The following RBMS3 variants were observed in gnomAD, a reference collection of about 807,000 sequenced individuals.
RBMS3 encodes RNA binding motif single stranded interacting protein 3.
A neutral mutation model predicts 66.8 loss-of-function variants in RBMS3; 27 were observed. The ratio of observed to expected loss-of-function variants is 0.40; its 90% CI spans 0.30 to 0.56. RBMS3 has a LOEUF of 0.56. Among genes scored for constraint, RBMS3 ranks in the 20% least tolerant of loss-of-function variants. The probability of loss-of-function intolerance (pLI) is 0.40; values close to 1 mark genes in which losing one functional copy is unlikely to be tolerated. For synonymous variants in RBMS3, 188 were observed against 183.0 expected (o/e 1.03, Z -0.22); for missense variants, 513 against 549.5 (o/e 0.93, Z 0.66).
At chr3:29,661,443 A>C (rs1559546432) in intron 4 of RBMS3, among the ~76,000 whole-genome samples, 1 of 152,012 alleles carries the variant, frequency 6.6e-6, no homozygotes, top group African/African-American at 2.4e-5. Flanking sequence ...TTTGTATAGT[A>C]TTTTTTTGCC....
chr3:29,896,497 C>T (rs2060126213), intron 8 of RBMS3, among the ~76,000 whole-genome samples: 1 of 151,636 alleles, frequency 6.6e-6, no homozygotes, highest in South Asian at 2.1e-4. Context: ...CTCAGGCAAC[C>T]TGGTTTTGTC....
chr3:29,869,850 A>T (rs1259758983), intron 7 of RBMS3, among the ~76,000 whole-genome samples: 1 of 152,230 alleles, frequency 6.6e-6, no homozygotes, highest in South Asian at 2.1e-4. Context: ...TCATCCATTT[A>T]TCATTTAAGA....
chr3:29,373,873 GA>G (rs1356559101), intron 1 of RBMS3, among the ~76,000 whole-genome samples: 2 of 152,168 alleles, frequency 1.3e-5, no homozygotes, highest in Non-Finnish European at 2.9e-5. Flanking sequence ...GGAATGTTTA[GA>G]GCTAGAGGCA....
intron 1 of RBMS3, among the ~76,000 whole-genome samples, chr3:29,350,626 TC>T (rs2036854748): frequency 6.6e-6 from 1 of 152,174 alleles, no homozygotes; most frequent in African/African-American, 2.4e-5. Context: ...AAGCTTATGC[TC>T]TGCTCTGAAA....
intron 8 of RBMS3, among the ~76,000 whole-genome samples, chr3:29,893,033 C>T (rs2060042033): frequency 6.6e-6 from 1 of 151,270 alleles, no homozygotes; most frequent in Non-Finnish European, 1.5e-5. Flanking sequence ...ACAGTAGCCT[C>T]TCCTGTCATG....
At chr3:29,858,292 A>G (rs943715518) in intron 6 of RBMS3, among the ~76,000 whole-genome samples, 1 of 152,162 alleles carries the variant, frequency 6.6e-6, no homozygotes, top group Non-Finnish European at 1.5e-5. Context: ...CTAATAAAAA[A>G]TTTCATCTTA....
At chr3:29,713,113 T>C (rs1038243480) in intron 4 of RBMS3, among the ~76,000 whole-genome samples, 1 of 151,862 alleles carries the variant, frequency 6.6e-6, no homozygotes, top group East Asian at 1.9e-4. Flanking sequence ...GTATCTATTA[T>C]ATTATATTAT....
chr3:29,589,237 G>A (rs957363857), intron 4 of RBMS3, among the ~76,000 whole-genome samples: 5 of 151,800 alleles, frequency 3.3e-5, no homozygotes, highest in South Asian at 2.1e-4. Context: ...CCACTCCCCC[G>A]CACCCTCTGA....
At chr3:29,962,468 G>A (rs1231839278) in intron 12 of RBMS3, among the ~76,000 whole-genome samples, 2 of 151,298 alleles carry the variant, frequency 1.3e-5, no homozygotes, top group East Asian at 3.9e-4. Context: ...GGGTGTATGG[G>A]TATGAAATCC....
intron 5 of RBMS3, among the ~76,000 whole-genome samples, chr3:29,759,922 G>A (rs947623238): frequency 1.3e-5 from 2 of 151,978 alleles, no homozygotes; most frequent in South Asian, 2.1e-4. Flanking sequence ...ACTAAGCGCC[G>A]GCAGCTACAG....
intron 12 of RBMS3, among the ~76,000 whole-genome samples, chr3:29,956,607 T>G (rs544029322): frequency 1.2e-3 from 190 of 152,262 alleles, no homozygotes; most frequent in Non-Finnish European, 2.4e-3. Context: ...GAGGTAATAC[T>G]AGGCTAGTCA....
At chr3:29,506,979 G>T (rs1409290572) in intron 3 of RBMS3, among the ~76,000 whole-genome samples, 2 of 148,152 alleles carry the variant, frequency 1.3e-5, no homozygotes, top group African/African-American at 2.5e-5. Flanking sequence ...GTTCTTTGTT[G>T]GTCTAGCTAA....
At chr3:29,937,461 C>A (rs1360813784) in intron 11 of RBMS3, among the ~76,000 whole-genome samples, 2 of 151,924 alleles carry the variant, frequency 1.3e-5, no homozygotes, top group East Asian at 3.9e-4. Flanking sequence ...AAGTTACTGG[C>A]ATGTCCACTG....
At chr3:29,822,535 T>C (rs537729354) in intron 6 of RBMS3, among the ~76,000 whole-genome samples, 1 of 152,318 alleles carries the variant, frequency 6.6e-6, no homozygotes, top group African/African-American at 2.4e-5. Flanking sequence ...ACACTTCGAT[T>C]ATTTTGGCTT....
chr3:29,615,899 G>A (rs1447795082), intron 4 of RBMS3: 1 of 152,118 alleles, frequency 6.6e-6, no homozygotes, highest in African/African-American at 2.4e-5. Context: ...CATGATGAGA[G>A]GAAATAAAAA....
intron 1 of RBMS3, among the ~76,000 whole-genome samples, chr3:29,302,976 A>G (rs2033780737): frequency 6.6e-6 from 1 of 151,982 alleles, no homozygotes; most frequent in Non-Finnish European, 1.5e-5. Context: ...TTAGTCTCAT[A>G]TGAATTAAGG....
intron 1 of RBMS3, among the ~76,000 whole-genome samples, chr3:29,304,874 A>T (rs2033907159): frequency 6.6e-6 from 1 of 151,904 alleles, no homozygotes; most frequent in Admixed American, 6.6e-5. Flanking sequence ...TCAAATTCTC[A>T]GATATGGCTC....
rs1271197574 is a variant in RBMS3 at position 29,757,824 on chromosome 3, T to C, written c.558-5086T>C. Among the ~76,000 whole-genome samples the C allele has an allele frequency of 2.0e-5, 3 of 152,334 alleles. No individual in the cohort carries two copies. The East Asian group carries it at 5.8e-4, about 29-fold the overall frequency. ...CAAAATTAAGAAACTGACATTGGTA[T>C]ATTACTATTAACTAAACTCCAGACT... On this transcript the variant is annotated intron_variant, in intron 5 of 14. Coordinates refer to ENST00000383767, the MANE Select transcript of RBMS3 (RefSeq NM_001003793.3).
At chr3:29,346,425 A>G (rs1431350163) in intron 1 of RBMS3, among the ~76,000 whole-genome samples, 7 of 80,750 alleles carry the variant, frequency 8.7e-5, no homozygotes, top group South Asian at 4.2e-4. Flanking sequence ...TTTTTTTGAG[A>G]TGGAGTCTTG....
Sources: gnomAD v4.1 joint callset for allele counts (sites outside exome capture counted in the v4.1 genomes callset) on GRCh38, gnomAD v4.1.1 for gene constraint, MANE v1.5 for transcripts, NCBI Gene and HGNC (gene_info 2026-07-23, HGNC 2026-07-21) for gene names.